The following SATB1 variants were observed in gnomAD, a reference collection of about 807,000 sequenced individuals.
SATB1 encodes DNA-binding protein SATB1.
In SATB1, 11 loss-of-function variants were observed where a neutral mutation model predicts 86.9. The ratio of observed to expected loss-of-function variants is 0.13; its 90% CI spans 0.08 to 0.21. The LOEUF is 0.21. Ranked by LOEUF, SATB1 falls within the 10% of genes least tolerant of loss-of-function variation. The pLI is 1.00. For missense variants in SATB1, 551 were observed against 937.6 expected, an observed-to-expected ratio of 0.59 and a Z score of 5.39; for synonymous variants, 357 against 357.2, an observed-to-expected ratio of 1.00 and a Z score of 0.01.
chr3:18,359,903 T>C (rs1381729179), intron 9 of SATB1, among the ~76,000 whole-genome samples: 1 of 152,022 alleles, frequency 6.6e-6, no homozygotes, highest in African/African-American at 2.4e-5. Flanking sequence ...ATCCACTCCT[T>C]TCCATTCTAC....
intron 1 of SATB1, among the ~76,000 whole-genome samples, chr3:18,437,286 A>G (rs1261007720): frequency 1.3e-5 from 2 of 152,162 alleles, no homozygotes; most frequent in Admixed American, 6.5e-5. Context: ...CTGAGGAGCA[A>G]TAATTTCTAA....
In SATB1 at chr3:18,377,650, A is replaced by ATG. The variant is rs140416021; in HGVS notation, c.1575+518_1575+519dup. ...ATTAAAATCATTAATATGCAAAGCT[A>ATG]TGTGTGTGTGTGTGTCAGTTTGTCT... On this transcript the variant is annotated intron_variant, in intron 9 of 10. Transcript: ENST00000338745. 1.7e-3 allele frequency among the ~76,000 whole-genome samples: 253 copies of ATG among 151,714 alleles called. 1 individual carries two copies. The highest frequency in any genetic ancestry group is 5.6e-3 in the African/African-American group (233 of 41,446).
At chr3:18,399,544 T>A (rs1346681162) in intron 5 of SATB1, among the ~76,000 whole-genome samples, 1 of 152,194 alleles carries the variant, frequency 6.6e-6, no homozygotes, top group Admixed American at 6.5e-5. Flanking sequence ...AATAGTGCTA[T>A]ACAGTTTATT....
At chr3:18,432,150 T>C (rs1277850519) in intron 2 of SATB1, among the ~76,000 whole-genome samples, 1 of 152,220 alleles carries the variant, frequency 6.6e-6, no homozygotes, top group African/African-American at 2.4e-5. Flanking sequence ...ATTTCCAGAC[T>C]GTCACTGCAC....
chr3:18,407,556 T>A (rs1206099926), intron 5 of SATB1, among the ~76,000 whole-genome samples: 1 of 152,028 alleles, frequency 6.6e-6, no homozygotes, highest in Non-Finnish European at 1.5e-5. Context: ...CTAGCTCATT[T>A]AATTCTCTAA....
chr3:18,351,752 A>G (rs189616012), intron 10 of SATB1: 6 of 545,330 alleles, frequency 1.1e-5, no homozygotes, highest in African/African-American at 9.4e-5. Flanking sequence ...AAACGAGTGT[A>G]AAAAAGGGGT....
intron 8 of SATB1, among the ~76,000 whole-genome samples, chr3:18,382,095 G>A (rs1283988390): frequency 1.3e-5 from 2 of 152,068 alleles, no homozygotes; most frequent in African/African-American, 2.4e-5. Context: ...AAATCAAGAT[G>A]AACCTATGTT....
Position 18,420,919 on chromosome 3 carries a change from A to C in SATB1, c.49T>G (p.Ser17Ala), listed in dbSNP as rs2125171293. 2 of 1,614,180 alleles carry C rather than the reference A, an allele frequency of 1.2e-6. No individual in the cohort carries two copies. The highest frequency in any genetic ancestry group is 1.1e-5 in the South Asian group (1 of 91,086). ...ATQGKEHSEM[S>A]NNVSDPKGPP... Reference sequence around the variant, plus strand: ...CCCTTCGGATCACTCACATTGTTAGACATTTCTGAATGTTCTTTCCCCTGA... The same window carrying C: ...CCCTTCGGATCACTCACATTGTTAGCCATTTCTGAATGTTCTTTCCCCTGA... The change falls in exon 2 of 11, where the codon TCT becomes GCT. Residue 17 changes from serine (S) to alanine (A), a missense_variant. Ser to Ala is a moderately conservative substitution (Grantham distance 99, BLOSUM62 1). This residue lies in a region of SATB1 where 153 missense variants were observed against 258.1 expected (regional missense o/e 0.59). Coordinates refer to ENST00000338745, the MANE Select transcript of SATB1 (RefSeq NM_002971.6).
At chr3:18,357,111 A>G (rs1694684355) in intron 9 of SATB1, among the ~76,000 whole-genome samples, 1 of 151,882 alleles carries the variant, frequency 6.6e-6, no homozygotes, top group Admixed American at 6.6e-5. Context: ...TGAGTTCTAA[A>G]AAGCAAAACA....
intron 9 of SATB1, among the ~76,000 whole-genome samples, chr3:18,361,709 G>A (rs188951465): frequency 2.0e-5 from 3 of 152,166 alleles, no homozygotes; most frequent in Admixed American, 2.0e-4. Flanking sequence ...AGGATTTAAG[G>A]AAATAAGGAT....
rs914821167 is a variant in SATB1, at chr3:18,348,539, CTTT to C, written c.*628_*630del. On this transcript the variant is annotated 3_prime_UTR_variant, in exon 11 of 11. Transcript: ENST00000338745. The stretch of plus-strand genomic sequence containing the variant: ...AAATTGTGTTTCACATTTTCTTTTC[CTTT>C]TTTTAAAAAATCATGTAACAATGAG... 1 of 152,122 alleles carries C rather than the reference CTTT, an allele frequency of 6.6e-6. No individual in the cohort carries two copies. Among genetic ancestry groups the C allele is most frequent in the African/African-American group, 2.4e-5 (1 of 41,294 alleles). 9.4% of individuals were successfully genotyped at this position (152,122 alleles called of 1,614,324 possible). A position where few individuals can be genotyped will look rare whatever the true frequency, so the allele number is the denominator to read the frequency against.
intron 5 of SATB1, chr3:18,409,445 AG>A (rs1697716457): frequency 6.6e-6 from 1 of 152,088 alleles, no homozygotes; most frequent in Admixed American, 6.6e-5. Flanking sequence ...AAGTTGAAAA[AG>A]GAACTAGAAT....
intron 1 of SATB1, among the ~76,000 whole-genome samples, chr3:18,422,926 T>C (rs6786190): frequency 0.8 from 121,748 of 152,176 alleles, 49,166 homozygotes; most frequent in Admixed American, 0.85. Context: ...TAAAGTATCA[T>C]ATAGGTCATG....
intron 5 of SATB1, among the ~76,000 whole-genome samples, chr3:18,412,951 A>C (rs1697930023): frequency 6.6e-6 from 1 of 152,082 alleles, no homozygotes; most frequent in East Asian, 1.9e-4. Flanking sequence ...CATATTATTA[A>C]ATATTAATTT....
chr3:18,402,634 C>T (rs187702070), intron 5 of SATB1, among the ~76,000 whole-genome samples: 11 of 152,166 alleles, frequency 7.2e-5, no homozygotes, highest in African/African-American at 1.9e-4. Context: ...CAGCCTGTAC[C>T]GGAAGCCAGC....
intron 8 of SATB1, among the ~76,000 whole-genome samples, chr3:18,379,694 G>T (rs1229443364): frequency 6.6e-6 from 1 of 152,078 alleles, no homozygotes; most frequent in African/African-American, 2.4e-5. Flanking sequence ...CTAATTTCTA[G>T]CCAATTAGCA....
At position 18,348,355 on chromosome 3, in the gene SATB1, A is replaced by C. The variant is rs557498094; in HGVS notation, c.*815T>G. 6.6e-6 allele frequency: 1 copy of C among 152,624 alleles called. No homozygotes were observed. Among genetic ancestry groups the C allele is most frequent in the Non-Finnish European group, 1.5e-5 (1 of 68,032 alleles). The allele number at this position is 152,624 out of a possible 1,614,324, so 9.5% of individuals were successfully genotyped here. A position where few individuals can be genotyped will look rare whatever the true frequency, so the allele number is the denominator to read the frequency against. On this transcript the variant is annotated 3_prime_UTR_variant, in exon 11 of 11. Transcript: ENST00000338745. Reference sequence around the variant, plus strand: ...TGTAAAGCACATTTTCTCTATTTAAAACTTTTAAGACACTTTGTTTTACTG... The same window carrying C: ...TGTAAAGCACATTTTCTCTATTTAACACTTTTAAGACACTTTGTTTTACTG...
At chr3:18,404,982 TCAAA>T (rs1697449531) in intron 5 of SATB1, among the ~76,000 whole-genome samples, 1 of 152,000 alleles carries the variant, frequency 6.6e-6, no homozygotes, top group Non-Finnish European at 1.5e-5. Context: ...GTATGTCTTC[TCAAA>T]CAGAGTGACT....
upstream of SATB1, among the ~76,000 whole-genome samples, chr3:18,441,896 G>A (rs550037685): frequency 6.6e-6 from 1 of 152,172 alleles, no homozygotes; most frequent in South Asian, 2.1e-4. Context: ...CATATAGCTG[G>A]CAACAGATTT....
Sources: allele counts gnomAD v4.1 joint callset (sites outside exome capture counted in the v4.1 genomes callset), GRCh38; gene constraint gnomAD v4.1.1; regional missense constraint gnomAD v4.1.1; transcripts MANE v1.5; gene names NCBI Gene and HGNC (gene_info 2026-07-23, HGNC 2026-07-21).